Variants in CUBN observed in about 807,000 individuals in gnomAD.
The protein encoded by CUBN is 460 kDa receptor.
CUBN carries 282 observed loss-of-function variants against 405.3 expected under a neutral mutation model. That is an observed-to-expected ratio of 0.70 (90% CI 0.63 to 0.77). The LOEUF is 0.77. Among genes scored for constraint, CUBN ranks in the 30% least tolerant of loss-of-function variants. CUBN has a pLI of 0.00. For missense variants in CUBN, 4,514 were observed against 4,475.2 expected (o/e 1.01, Z -0.25); for synonymous variants, 1,684 against 1,617.0 (o/e 1.04, Z -0.99).
In CUBN at chr10:16,840,430, T is replaced by C; in HGVS notation, c.9932A>G (p.Asp3311Gly). 6.2e-7 allele frequency: 1 copy of C among 1,614,076 alleles called. No individual in the cohort carries two copies. The highest frequency in any genetic ancestry group is 8.5e-7 in the Non-Finnish European group (1 of 1,180,004). ...VPFSICTWVI[D>G]SPPHQQVKIT... ...CTTGACCTGCTGATGCGGAGGGGAATCAATGACCCAAGTACAGATGGAAAA... is the reference window on the plus strand; with the variant it reads ...CTTGACCTGCTGATGCGGAGGGGAACCAATGACCCAAGTACAGATGGAAAA... The change falls in exon 62 of 67, where the codon GAT becomes GGT. Residue 3311 changes from aspartate to glycine, a missense_variant. Physicochemically the swap from Asp to Gly is moderately conservative, Grantham distance 94 (BLOSUM62 -1). This residue lies in a region of CUBN where 1,186 missense variants were observed against 1,186.9 expected (regional missense o/e 1.00). Coordinates refer to ENST00000377833, the MANE Select transcript of CUBN (RefSeq NM_001081.4).
At chr10:17,030,610 GTTCTT>G (rs1345981259) in intron 27 of CUBN, among the ~76,000 whole-genome samples, 3 of 152,126 alleles carry the variant, frequency 2.0e-5, no homozygotes, top group Non-Finnish European at 4.4e-5. Flanking sequence ...TTCTGTGGCA[GTTCTT>G]TTCTTAAGAA....
At chr10:16,833,971 T>C (rs987462758) in intron 64 of CUBN, among the ~76,000 whole-genome samples, 2 of 152,200 alleles carry the variant, frequency 1.3e-5, no homozygotes, top group African/African-American at 4.8e-5. Flanking sequence ...TCTTGTGTGG[T>C]ACAAAGCCAG....
chr10:17,104,736 A>C (rs1836581231), intron 11 of CUBN, 131 bp from the exon 12 acceptor site: 1 of 228,966 alleles, frequency 4.4e-6, no homozygotes, highest in African/African-American at 2.4e-5. Flanking sequence ...ATTATATATA[A>C]AATAATATAT....
rs540089500 is a variant in CUBN at position 17,005,810 on chromosome 10, A to G, written c.4168+14023T>C. Among the ~76,000 whole-genome samples the G allele has an allele frequency of 2.6e-5, 4 of 152,322 alleles. No homozygotes were observed. In the East Asian group the frequency reaches 7.7e-4, roughly 29 times the overall value. On this transcript the variant is annotated intron_variant, in intron 28 of 66. Transcript: ENST00000377833. ...CTGAATTGTATCTCTGCCAAAATTC[A>G]TATGTTGAAGTTCTAACTCCCAGAC...
At chr10:17,110,851 A>T in intron 9 of CUBN, 68 bp downstream of exon 9, 1 of 1,607,050 alleles carries the variant, frequency 6.2e-7, no homozygotes, top group Non-Finnish European at 8.5e-7. Context: ...GGAGCACTAG[A>T]TTCCGTATTC....
chr10:16,943,654 T>C (rs1842713283), intron 36 of CUBN, among the ~76,000 whole-genome samples: 1 of 152,230 alleles, frequency 6.6e-6, no homozygotes, highest in Non-Finnish European at 1.5e-5. Flanking sequence ...AAAATCTTTC[T>C]ATGCAAAGTG....
At chr10:16,935,811 C>T (rs1229123978) in intron 39 of CUBN, among the ~76,000 whole-genome samples, 7 of 130,228 alleles carry the variant, frequency 5.4e-5, no homozygotes, top group South Asian at 5.0e-4. Context: ...ACTCGGGAGG[C>T]GGAGCTTGCA....
chr10:17,113,780 G>A (rs903244541), intron 8 of CUBN, among the ~76,000 whole-genome samples: 2 of 152,222 alleles, frequency 1.3e-5, no homozygotes, highest in Admixed American at 6.5e-5. Context: ...GCAATGCAGT[G>A]TCTAACTTAC....
intron 28 of CUBN, among the ~76,000 whole-genome samples, chr10:17,019,130 A>G (rs1834425020): frequency 6.6e-6 from 1 of 152,164 alleles, no homozygotes; most frequent in Admixed American, 6.5e-5. Flanking sequence ...TCTAGGGACC[A>G]CATTTTGGGA....
In CUBN at chr10:16,953,696, G is replaced by GA. The variant is rs1305793015; in HGVS notation, c.4855+692dup. ...CAGAGCAGATCCCATCTCTAAAAAA[G>GA]AAAAAAAATAGCCAGGCGTGGGGGT... On this transcript the variant is annotated intron_variant, in intron 32 of 66. Coordinates refer to ENST00000377833, the MANE Select transcript of CUBN (RefSeq NM_001081.4). Among the ~76,000 whole-genome samples, 8 of 151,562 alleles carry GA rather than the reference G, an allele frequency of 5.3e-5. No individual in the cohort carries two copies. In the East Asian group the frequency reaches 9.7e-4, roughly 18 times the overall value.
rs746140524 is a variant in CUBN at position 17,100,251 on chromosome 10, A to G, written c.1531-12T>C. On this transcript the variant is annotated splice_polypyrimidine_tract_variant and intron_variant, in intron 13 of 66. Transcript: ENST00000377833. Reference sequence around the variant, plus strand: ...GTGATACGCAGGACCTAAAAATACAAAGGCCACATATATTATCTTTTACTT... The same window carrying G: ...GTGATACGCAGGACCTAAAAATACAGAGGCCACATATATTATCTTTTACTT... 2 of 1,499,212 alleles carry G rather than the reference A, an allele frequency of 1.3e-6. No individual in the cohort carries two copies. Among genetic ancestry groups the G allele is most frequent in the South Asian group, 2.3e-5 (2 of 88,622 alleles). 92.9% of individuals were successfully genotyped at this position (1,499,212 alleles called of 1,614,324 possible). A position where few individuals can be genotyped will look rare whatever the true frequency, so the allele number is the denominator to read the frequency against.
intron 48 of CUBN, among the ~76,000 whole-genome samples, chr10:16,912,481 T>C (rs1000396206): frequency 2.0e-5 from 3 of 152,180 alleles, no homozygotes; most frequent in African/African-American, 4.8e-5. Context: ...ATCAAAATGA[T>C]GTATGGCAGC....
At chr10:16,843,208 G>A (rs947484879) in intron 60 of CUBN, among the ~76,000 whole-genome samples, 4 of 152,146 alleles carry the variant, frequency 2.6e-5, no homozygotes, top group South Asian at 2.1e-4. Flanking sequence ...AACATCCATC[G>A]AAATAGTGGG....
At chr10:17,089,394 CAA>C (rs778394986) in intron 14 of CUBN, among the ~76,000 whole-genome samples, 16 of 152,096 alleles carry the variant, frequency 1.1e-4, no homozygotes, top group East Asian at 3.9e-4. Flanking sequence ...CAATATGCAA[CAA>C]AGAGTTATTA....
At chr10:17,049,466 T>C (rs1282989160) in intron 22 of CUBN, among the ~76,000 whole-genome samples, 1 of 152,198 alleles carries the variant, frequency 6.6e-6, no homozygotes, top group Non-Finnish European at 1.5e-5. Context: ...TAAGTGTGAT[T>C]AGGTCTCAGG....
At position 16,824,251 on chromosome 10, in the gene CUBN, C is replaced by T. The variant is rs1588559530; in HGVS notation, c.*724G>A. ...GATTTTTTGTAAAAATCAGGTCTCACTTTGTTGCCCAGGCTGGTCTCAAAC... is the reference window on the plus strand; with the variant it reads ...GATTTTTTGTAAAAATCAGGTCTCATTTTGTTGCCCAGGCTGGTCTCAAAC... On this transcript the variant is annotated 3_prime_UTR_variant, in exon 67 of 67. Transcript: ENST00000377833. 6.6e-6 allele frequency: 1 copy of T among 152,138 alleles called. No individual in the cohort carries two copies. The highest frequency in any genetic ancestry group is 1.5e-5 in the Non-Finnish European group (1 of 68,084). The allele number at this position is 152,138 out of a possible 1,614,324, so 9.4% of individuals were successfully genotyped here.
At chr10:16,940,936 C>T (rs544849214) in intron 36 of CUBN, among the ~76,000 whole-genome samples, 201 of 152,226 alleles carry the variant, frequency 1.3e-3, no homozygotes, top group African/African-American at 4.4e-3. Flanking sequence ...TAACAACACC[C>T]GCTGGTGCTT....
At position 17,068,588 on chromosome 10, in the gene CUBN, A is replaced by AG. The variant is rs1564502110; in HGVS notation, c.2791+16dup. The stretch of plus-strand genomic sequence containing the variant: ...CAAGCCCAAGAGGAGGAAAAAAAAA[A>AG]GGGAACAGTCTCTTACCCAAATCCT... On this transcript the variant is annotated intron_variant, in intron 20 of 66. Transcript: ENST00000377833. 4.4e-6 allele frequency: 7 copies of AG among 1,593,368 alleles called. No homozygotes were observed. Among genetic ancestry groups the AG allele is most frequent in the Non-Finnish European group, 2.6e-6 (3 of 1,164,812 alleles).
intron 33 of CUBN, among the ~76,000 whole-genome samples, chr10:16,951,985 A>G (rs1475053581): frequency 6.6e-6 from 1 of 151,568 alleles, no homozygotes; most frequent in African/African-American, 2.4e-5. Flanking sequence ...TTAATACAGC[A>G]AGGTTGTAGG....
Sources: allele counts gnomAD v4.1 joint callset (sites outside exome capture counted in the v4.1 genomes callset), GRCh38; gene constraint gnomAD v4.1.1; regional missense constraint gnomAD v4.1.1; transcripts MANE v1.5; gene names NCBI Gene and HGNC (gene_info 2026-07-23, HGNC 2026-07-21).